Variants in HTR4 observed in about 807,000 individuals in gnomAD.
HTR4 encodes the protein 5-hydroxytryptamine receptor 4, also known as 5-hydroxytryptamine (serotonin) receptor 4, G protein-coupled.
In HTR4, 16 loss-of-function variants were observed where a neutral mutation model predicts 36.8. That is an observed-to-expected ratio of 0.43 (90% CI 0.29 to 0.66). HTR4 has a LOEUF of 0.66. Ranked by LOEUF, HTR4 falls within the 30% of genes least tolerant of loss-of-function variation. HTR4 has a pLI of 0.13. For synonymous variants in HTR4, 189 were observed against 185.1 expected (o/e 1.02, Z -0.17); for missense variants, 438 against 490.9 (o/e 0.89, Z 1.02).
intron 2 of HTR4, among the ~76,000 whole-genome samples, chr5:148,562,865 T>C (rs1760275358): frequency 6.6e-6 from 1 of 152,140 alleles, no homozygotes; most frequent in Non-Finnish European, 1.5e-5. Flanking sequence ...TCCCAACCCT[T>C]TACCAGCCAT....
At chr5:148,546,368 G>T (rs545707017) in intron 4 of HTR4, among the ~76,000 whole-genome samples, 1 of 152,146 alleles carries the variant, frequency 6.6e-6, no homozygotes, top group Non-Finnish European at 1.5e-5. Context: ...ACTCAGAAAG[G>T]CTTAATCACT....
At chr5:148,549,783 G>T (rs1412139393) in intron 3 of HTR4, among the ~76,000 whole-genome samples, 1 of 152,112 alleles carries the variant, frequency 6.6e-6, no homozygotes, top group Non-Finnish European at 1.5e-5. Context: ...AAAAACACAG[G>T]TTTAATTTCT....
chr5:148,511,478 T>C (rs1158485440), intron 5 of HTR4, among the ~76,000 whole-genome samples: 1 of 152,162 alleles, frequency 6.6e-6, no homozygotes, highest in Non-Finnish European at 1.5e-5. Flanking sequence ...GTACAGGCAG[T>C]TTATTCTTTT....
intron 3 of HTR4, among the ~76,000 whole-genome samples, 196 bp downstream of exon 3, chr5:148,549,941 G>A (rs1759599480): frequency 6.6e-6 from 1 of 152,188 alleles, no homozygotes; most frequent in African/African-American, 2.4e-5. Flanking sequence ...GAAATACACT[G>A]AAATGTTTAC....
chr5:148,634,065 G>C (rs1359844089), intron 2 of HTR4, among the ~76,000 whole-genome samples: 1 of 152,142 alleles, frequency 6.6e-6, no homozygotes, highest in Admixed American at 6.6e-5. Context: ...GAAGTGAGCA[G>C]TATGGCCGGA....
In HTR4 at chr5:148,547,500, C is replaced by T. The variant is rs1759435665; in HGVS notation, c.353+1168G>A. Among the ~76,000 whole-genome samples the T allele has an allele frequency of 2.1e-5, 3 of 141,050 alleles. 1 individual carries two copies. The South Asian group carries it at 6.6e-4, about 31-fold the overall frequency. 92.5% of individuals were successfully genotyped at this position (141,050 alleles called of 152,430 possible). A position where few individuals can be genotyped will look rare whatever the true frequency, so the allele number is the denominator to read the frequency against. ...CGGCACTGCACTTCAGCCTGGGTGA[C>T]AGAGCAAGACTTGGTCTCAAAAAAT... On this transcript the variant is annotated intron_variant, in intron 4 of 6. Coordinates refer to ENST00000377888, the MANE Select transcript of HTR4 (RefSeq NM_000870.7).
At chr5:148,649,037 C>A (rs1053507851) in intron 1 of HTR4, among the ~76,000 whole-genome samples, 1 of 152,180 alleles carries the variant, frequency 6.6e-6, no homozygotes, top group Admixed American at 6.5e-5. Flanking sequence ...ATACACCTAG[C>A]CTTCTAACTA....
chr5:148,619,528 T>A (rs933784732), intron 2 of HTR4, among the ~76,000 whole-genome samples: 2 of 152,218 alleles, frequency 1.3e-5, no homozygotes, highest in East Asian at 3.8e-4. Flanking sequence ...TTCAGATTCT[T>A]GCTACAGACC....
chr5:148,513,091 C>A (rs1432583994), intron 5 of HTR4, among the ~76,000 whole-genome samples: 1 of 151,978 alleles, frequency 6.6e-6, no homozygotes, highest in Non-Finnish European at 1.5e-5. Flanking sequence ...CAGGCTCTAG[C>A]AATTCTCCCA....
chr5:148,584,870 C>G (rs903767444), intron 2 of HTR4, among the ~76,000 whole-genome samples: 4 of 152,142 alleles, frequency 2.6e-5, no homozygotes, highest in Admixed American at 6.5e-5. Flanking sequence ...CAACAGTAGC[C>G]ACCTGGAAGC....
At position 148,483,148 on chromosome 5, in the gene HTR4, G is replaced by A; in HGVS notation, c.*55C>T. 1 of 1,613,000 alleles carries A rather than the reference G, an allele frequency of 6.2e-7. No homozygotes were observed. Among genetic ancestry groups the A allele is most frequent in the Non-Finnish European group, 8.5e-7 (1 of 1,179,410 alleles). ...GCAGTCGCGCACAAGCAGCAGCTTA[G>A]GACCTGGCCCTCTTTCGGAGGCATG... On this transcript the variant is annotated 3_prime_UTR_variant, in exon 7 of 7. Transcript: ENST00000377888.
At chr5:148,469,075 T>C (rs988054388) in intron 5 of HTR4, among the ~76,000 whole-genome samples, 1 of 152,134 alleles carries the variant, frequency 6.6e-6, no homozygotes, top group African/African-American at 2.4e-5. Context: ...ATGTCTTTAT[T>C]AGCAGTGTGA....
chr5:148,545,671 A>T (rs1375704635), intron 4 of HTR4, among the ~76,000 whole-genome samples: 1 of 152,214 alleles, frequency 6.6e-6, no homozygotes, highest in African/African-American at 2.4e-5. Flanking sequence ...CCAAGGCCTC[A>T]GGTGGCTGAG....
At chr5:148,572,595 T>C (rs1025987134) in intron 2 of HTR4, among the ~76,000 whole-genome samples, 4 of 152,262 alleles carry the variant, frequency 2.6e-5, no homozygotes, top group African/African-American at 9.6e-5. Flanking sequence ...TTCAATGAGC[T>C]TGTGCTCTGT....
chr5:148,583,742 CTG>C (rs1296046368), intron 2 of HTR4, among the ~76,000 whole-genome samples: 1 of 152,046 alleles, frequency 6.6e-6, no homozygotes, highest in Non-Finnish European at 1.5e-5. Flanking sequence ...CATGTAAAAA[CTG>C]TGGAGATGAT....
intron 1 of HTR4, among the ~76,000 whole-genome samples, chr5:148,640,449 T>G (rs1753695545): frequency 6.6e-6 from 1 of 152,214 alleles, no homozygotes; most frequent in Admixed American, 6.5e-5. Flanking sequence ...AGACTCTGTA[T>G]TTCCTCTGGT....
At chr5:148,517,941 T>C (rs1561591917) in intron 5 of HTR4, among the ~76,000 whole-genome samples, 1 of 152,108 alleles carries the variant, frequency 6.6e-6, no homozygotes, top group East Asian at 1.9e-4. Context: ...ATATTTTTTT[T>C]TACTTCCTCT....
At chr5:148,553,324 T>C (rs1355267849) in intron 2 of HTR4, among the ~76,000 whole-genome samples, 1 of 152,118 alleles carries the variant, frequency 6.6e-6, no homozygotes, top group African/African-American at 2.4e-5. Flanking sequence ...TTATCACAGG[T>C]TGTGAGGCTA....
chr5:148,494,424 C>T (rs1756592754), intron 6 of HTR4, among the ~76,000 whole-genome samples: 1 of 152,074 alleles, frequency 6.6e-6, no homozygotes, highest in Non-Finnish European at 1.5e-5. Context: ...GGCTGTAACC[C>T]GGATTATTTT....
Sources: allele counts gnomAD v4.1 joint callset (sites outside exome capture counted in the v4.1 genomes callset), GRCh38; gene constraint gnomAD v4.1.1; transcripts MANE v1.5; gene names NCBI Gene and HGNC (gene_info 2026-07-23, HGNC 2026-07-21).